Variants in AGMO observed in about 807,000 individuals in gnomAD.
AGMO encodes the protein alkylglycerol monooxygenase.
In AGMO, 75 loss-of-function variants were observed where a neutral mutation model predicts 60.2. That is an observed-to-expected ratio of 1.25 (90% confidence interval 1.03 to 1.51). The LOEUF (loss-of-function observed/expected upper bound fraction) is 1.51, where lower values mean the gene tolerates loss of function less well. AGMO is among the 40% of genes most tolerant of loss of function. The pLI is 0.00. For missense variants in AGMO, 763 were observed against 525.5 expected, an observed-to-expected ratio of 1.45 and a Z score of -4.42; for synonymous variants, 261 against 177.1, an observed-to-expected ratio of 1.47 and a Z score of -3.76.
intron 12 of AGMO, among the ~76,000 whole-genome samples, chr7:15,321,920 C>T (rs1229939157): frequency 6.6e-6 from 1 of 151,862 alleles, no homozygotes; most frequent in Non-Finnish European, 1.5e-5. Context: ...AATTGGAGGT[C>T]TATTTAATAC....
At chr7:15,124,037 T>C in the AGMO span, among the ~76,000 whole-genome samples, 1 of 152,074 alleles carries the variant, frequency 6.6e-6, no homozygotes, top group Admixed American at 6.6e-5. Flanking sequence ...AAAAAGCTTG[T>C]GGTTTTTATG....
intron 3 of AGMO, among the ~76,000 whole-genome samples, chr7:15,539,397 G>C (rs146888158): frequency 6.6e-6 from 1 of 152,148 alleles, no homozygotes; most frequent in African/African-American, 2.4e-5. Context: ...CATGTGGTAT[G>C]TGGTTTTCTC....
chr7:15,381,302 G>C (rs181890226), intron 10 of AGMO, among the ~76,000 whole-genome samples: 1 of 152,090 alleles, frequency 6.6e-6, no homozygotes, highest in South Asian at 2.1e-4. Context: ...ATAATATCAA[G>C]CATCTATAGG....
At chr7:15,492,379 T>C (rs1320081726) in intron 3 of AGMO, among the ~76,000 whole-genome samples, 14 of 146,964 alleles carry the variant, frequency 9.5e-5, no homozygotes, top group Non-Finnish European at 2.1e-4. Context: ...AAAAAAAACA[T>C]TAATAATAAA....
At chr7:15,279,397 A>G (rs1459856703) in intron 12 of AGMO, among the ~76,000 whole-genome samples, 1 of 152,060 alleles carries the variant, frequency 6.6e-6, no homozygotes, top group Non-Finnish European at 1.5e-5. Flanking sequence ...TGCTATTTTG[A>G]TTCCTCTCCA....
chr7:15,416,557 G>T (rs1252811428), intron 5 of AGMO, among the ~76,000 whole-genome samples: 1 of 152,088 alleles, frequency 6.6e-6, no homozygotes, highest in Non-Finnish European at 1.5e-5. Flanking sequence ...CCCTTAGAGT[G>T]AGAACTGATT....
chr7:15,481,970 G>A (rs1782765556), intron 3 of AGMO, among the ~76,000 whole-genome samples: 1 of 151,898 alleles, frequency 6.6e-6, no homozygotes, highest in African/African-American at 2.4e-5. Context: ...GTAAGTCCAA[G>A]AAGAAATCAC....
At chr7:15,290,369 G>A (rs1329157781) in intron 12 of AGMO, among the ~76,000 whole-genome samples, 1 of 152,172 alleles carries the variant, frequency 6.6e-6, no homozygotes, top group African/African-American at 2.4e-5. Flanking sequence ...ATTAGTAGAT[G>A]TTGAGGGTGT....
At chr7:15,223,062 T>C (rs1781971301) in intron 12 of AGMO, among the ~76,000 whole-genome samples, 1 of 152,042 alleles carries the variant, frequency 6.6e-6, no homozygotes, top group Non-Finnish European at 1.5e-5. Context: ...TCATGTAGTT[T>C]AGTTTTATAT....
chr7:15,155,913 C>T, the AGMO span, among the ~76,000 whole-genome samples: 1 of 152,150 alleles, frequency 6.6e-6, no homozygotes, highest in Non-Finnish European at 1.5e-5. Flanking sequence ...AAGGCTCAGC[C>T]CAGCACTCCT....
At chr7:15,325,920 ACGG>A (rs1482207405) in intron 12 of AGMO, among the ~76,000 whole-genome samples, 3 of 150,884 alleles carry the variant, frequency 2.0e-5, no homozygotes, top group Non-Finnish European at 4.5e-5. Flanking sequence ...GAGGAAGAAG[ACGG>A]AGGAGGAGGA....
At chr7:15,341,088 C>T (rs550454524) in intron 12 of AGMO, among the ~76,000 whole-genome samples, 3 of 152,212 alleles carry the variant, frequency 2.0e-5, no homozygotes, top group Non-Finnish European at 4.4e-5. Context: ...GAAATCATTT[C>T]AGAGCTTGAA....
chr7:15,177,724 C>T, the AGMO span, among the ~76,000 whole-genome samples: 1 of 151,960 alleles, frequency 6.6e-6, no homozygotes, highest in Non-Finnish European at 1.5e-5. Flanking sequence ...TTTTTAATCC[C>T]CTTCCACTCC....
chr7:15,530,645 T>C (rs1784286295), intron 3 of AGMO, among the ~76,000 whole-genome samples: 1 of 139,230 alleles, frequency 7.2e-6, no homozygotes, highest in East Asian at 2.1e-4. Flanking sequence ...TATTTCTATA[T>C]ATATATTCTA....
intron 12 of AGMO, among the ~76,000 whole-genome samples, chr7:15,257,617 C>CA (rs1389460984): frequency 5.3e-5 from 8 of 152,080 alleles, no homozygotes; most frequent in South Asian, 4.1e-4. Flanking sequence ...TAAATTCTCA[C>CA]AAAAAATCCA....
chr7:15,239,853 T>G (rs1381004182), intron 12 of AGMO, among the ~76,000 whole-genome samples: 3 of 152,088 alleles, frequency 2.0e-5, no homozygotes, highest in Non-Finnish European at 4.4e-5. Context: ...GCCTCACCGG[T>G]TTTCAGCCTT....
At chr7:15,285,576 CACAA>C (rs899744877) in intron 12 of AGMO, among the ~76,000 whole-genome samples, 21 of 152,002 alleles carry the variant, frequency 1.4e-4, no homozygotes, top group African/African-American at 4.8e-4. Context: ...TCACAGATGA[CACAA>C]ACAAATGGAA....
chr7:15,360,044 T>C (rs925142051), intron 12 of AGMO, among the ~76,000 whole-genome samples: 8 of 152,208 alleles, frequency 5.3e-5, no homozygotes, highest in African/African-American at 1.7e-4. Context: ...CTGAAGCTTT[T>C]GGCGGAGTAG....
intron 3 of AGMO, among the ~76,000 whole-genome samples, chr7:15,477,617 G>T (rs1393890713): frequency 1.3e-5 from 2 of 152,178 alleles, no homozygotes; most frequent in East Asian, 3.9e-4. Flanking sequence ...AAATACCAAT[G>T]TGCAGGCAGT....
Sources: allele counts gnomAD v4.1 joint callset (sites outside exome capture counted in the v4.1 genomes callset), GRCh38; gene constraint gnomAD v4.1.1; transcripts MANE v1.5; gene names NCBI Gene and HGNC (gene_info 2026-07-23, HGNC 2026-07-21).